MPPED2: variants seen among roughly 807,000 people sequenced by gnomAD.
The protein encoded by MPPED2 is metallophosphoesterase MPPED2.
In MPPED2, 5 loss-of-function variants were observed where a neutral mutation model predicts 33.0. The observed-to-expected ratio is 0.15, with a 90% confidence interval of 0.08 to 0.32. The LOEUF is 0.32. Ranked by LOEUF, MPPED2 falls within the 10% of genes least tolerant of loss-of-function variation. The pLI, the probability that MPPED2 is intolerant of heterozygous loss-of-function variation, is 1.00. For synonymous variants in MPPED2, 136 were observed against 141.9 expected (o/e 0.96, Z 0.29); for missense variants, 275 against 372.1 (o/e 0.74, Z 2.15).
rs1217784913 is a variant in MPPED2, at chr11:30,425,102, G to T, written c.537-7469C>A. On this transcript the variant is annotated intron_variant, in intron 4 of 6. Transcript: ENST00000358117. ...GAGATATTGTTTTGATAAAGGGCAG[G>T]CCTGGGTGAATAATGTGGTCTGTGT... Among the ~76,000 whole-genome samples, 5 of 152,248 alleles carry T rather than the reference G, an allele frequency of 3.3e-5. No individual in the cohort carries two copies. In the East Asian group the frequency reaches 9.7e-4, roughly 29 times the overall value.
intron 5 of MPPED2, 75 bp downstream of exon 5, chr11:30,417,443 G>A: frequency 1.7e-6 from 1 of 600,922 alleles, no homozygotes; most frequent in South Asian, 2.5e-5. Context: ...AAATGATTAT[G>A]TCCCTGAAGC....
At chr11:30,427,887 A>G (rs932699317) in intron 4 of MPPED2, among the ~76,000 whole-genome samples, 1 of 152,174 alleles carries the variant, frequency 6.6e-6, no homozygotes, top group African/African-American at 2.4e-5. Context: ...AAATTATTCA[A>G]TGTAAAACTC....
At chr11:30,451,228 G>C (rs1333845274) in intron 4 of MPPED2, among the ~76,000 whole-genome samples, 1 of 152,204 alleles carries the variant, frequency 6.6e-6, no homozygotes, top group Admixed American at 6.5e-5. Context: ...ATGTGAAGCT[G>C]TATCTCACCC....
chr11:30,572,810 T>C (rs1212603823), intron 2 of MPPED2, among the ~76,000 whole-genome samples: 1 of 152,210 alleles, frequency 6.6e-6, no homozygotes, highest in Admixed American at 6.5e-5. Flanking sequence ...ATGATGTCTC[T>C]ATTATATTCT....
At position 30,411,155 on chromosome 11, in the gene MPPED2, T is replaced by C; in HGVS notation, c.*313A>G. On this transcript the variant is annotated 3_prime_UTR_variant, in exon 7 of 7. Transcript: ENST00000358117. ...TTTTTTTCTTTCAGCTTAAAGCATA[T>C]TAAAATAAGACTTTTATCACTTTTT... 9.8e-7 allele frequency: 1 copy of C among 1,016,978 alleles called. No individual in the cohort carries two copies. The highest frequency in any genetic ancestry group is 1.2e-6 in the Non-Finnish European group (1 of 849,866). 63.0% of individuals were successfully genotyped at this position (1,016,978 alleles called of 1,614,324 possible).
intron 4 of MPPED2, among the ~76,000 whole-genome samples, chr11:30,429,599 A>G (rs1431446924): frequency 6.6e-6 from 1 of 152,210 alleles, no homozygotes; most frequent in Non-Finnish European, 1.5e-5. Context: ...ATTGGGCTCA[A>G]CAAACATTAT....
chr11:30,484,649 T>A (rs1178796968), intron 4 of MPPED2, among the ~76,000 whole-genome samples: 1 of 152,188 alleles, frequency 6.6e-6, no homozygotes, highest in Non-Finnish European at 1.5e-5. Flanking sequence ...ACACTGAAAA[T>A]GATACTCCAT....
At chr11:30,400,958 A>G (rs1408086240) in intron 6 of MPPED2, among the ~76,000 whole-genome samples, 1 of 151,446 alleles carries the variant, frequency 6.6e-6, no homozygotes, top group Non-Finnish European at 1.5e-5. Context: ...TAGTAGAGAC[A>G]AGGTCTTGCC....
intron 4 of MPPED2, among the ~76,000 whole-genome samples, chr11:30,434,181 T>C (rs111855207): frequency 1.6e-4 from 24 of 152,326 alleles, no homozygotes; most frequent in African/African-American, 5.8e-4. Context: ...TAAGGTAACA[T>C]TCACATATTT....
chr11:30,532,190 A>C (rs1037439462), intron 3 of MPPED2, among the ~76,000 whole-genome samples: 41 of 152,212 alleles, frequency 2.7e-4, no homozygotes, highest in African/African-American at 7.7e-4. Context: ...TAGTTCACCC[A>C]CCCCATCCTG....
At chr11:30,439,412 C>T (rs1163044503) in intron 4 of MPPED2, among the ~76,000 whole-genome samples, 1 of 152,178 alleles carries the variant, frequency 6.6e-6, no homozygotes, top group East Asian at 1.9e-4. Context: ...TTTGCTGGAA[C>T]TGTAGACTCA....
At chr11:30,561,573 T>A (rs2134722479) in intron 2 of MPPED2, among the ~76,000 whole-genome samples, 1 of 152,270 alleles carries the variant, frequency 6.6e-6, no homozygotes, top group East Asian at 1.9e-4. Context: ...TGTGCCAACA[T>A]CCTAGGAGTC....
At chr11:30,556,996 A>G (rs1033853862) in intron 2 of MPPED2, among the ~76,000 whole-genome samples, 2 of 151,932 alleles carry the variant, frequency 1.3e-5, no homozygotes, top group African/African-American at 2.4e-5. Flanking sequence ...AATCAAAATC[A>G]TAAGGGGGTT....
chr11:30,505,390 G>T (rs1004250036), intron 3 of MPPED2, among the ~76,000 whole-genome samples: 3 of 152,082 alleles, frequency 2.0e-5, no homozygotes, highest in African/African-American at 7.2e-5. Context: ...CTTCCCAACC[G>T]AGTATCTCTA....
chr11:30,583,261 C>T (rs1427467895), intron 1 of MPPED2, among the ~76,000 whole-genome samples: 2 of 148,876 alleles, frequency 1.3e-5, no homozygotes, highest in Non-Finnish European at 3.0e-5. Context: ...GGATACACTG[C>T]TTACAACTAT....
chr11:30,552,042 T>C (rs549241), intron 2 of MPPED2, among the ~76,000 whole-genome samples: 58,527 of 152,088 alleles, frequency 0.38, 11,858 homozygotes, highest in East Asian at 0.64. Context: ...AGGTCTCTCA[T>C]AAACAGATAA....
intron 4 of MPPED2, among the ~76,000 whole-genome samples, chr11:30,438,557 G>A (rs908045982): frequency 8.5e-5 from 13 of 152,150 alleles, no homozygotes; most frequent in Non-Finnish European, 1.6e-4. Flanking sequence ...GATGCATCAT[G>A]GTAAAAAATA....
chr11:30,436,121 A>G (rs1015864905), intron 4 of MPPED2, among the ~76,000 whole-genome samples: 1 of 124,810 alleles, frequency 8.0e-6, no homozygotes, highest in African/African-American at 3.1e-5. Context: ...AGAGCTTAGT[A>G]TTTTAGTATT....
At chr11:30,427,588 A>G (rs1444154765) in intron 4 of MPPED2, among the ~76,000 whole-genome samples, 1 of 152,210 alleles carries the variant, frequency 6.6e-6, no homozygotes, top group Non-Finnish European at 1.5e-5. Flanking sequence ...GAAGATGTGT[A>G]TTTGTCAGCT....
Sources: gnomAD v4.1 joint callset for allele counts (sites outside exome capture counted in the v4.1 genomes callset) on GRCh38, gnomAD v4.1.1 for gene constraint, MANE v1.5 for transcripts, NCBI Gene and HGNC (gene_info 2026-07-23, HGNC 2026-07-21) for gene names.